The following TMEM178B variants were observed in gnomAD, a reference collection of about 807,000 sequenced individuals.
The protein encoded by TMEM178B is transmembrane protein 178B.
Under a neutral mutation model 31.0 loss-of-function variants are expected in TMEM178B, and 5 were observed. The ratio of observed to expected loss-of-function variants is 0.16; its 90% CI spans 0.08 to 0.34. The LOEUF is 0.34. TMEM178B is among the 10% of genes least tolerant of loss of function. The pLI is 1.00. For synonymous variants in TMEM178B, 164 were observed against 164.0 expected, an observed-to-expected ratio of 1.00 and a Z score of 0.00; for missense variants, 275 against 400.3, an observed-to-expected ratio of 0.69 and a Z score of 2.67.
intron 1 of TMEM178B, among the ~76,000 whole-genome samples, chr7:141,194,958 C>A (rs1796758394): frequency 6.6e-6 from 1 of 152,202 alleles, no homozygotes; most frequent in Admixed American, 6.6e-5. Context: ...CACACCCAAC[C>A]TGTACATCAA....
At chr7:141,111,512 AT>A in intron 1 of TMEM178B, among the ~76,000 whole-genome samples, 1 of 152,288 alleles carries the variant, frequency 6.6e-6, no homozygotes, top group East Asian at 1.9e-4. Context: ...TAACATGTTA[AT>A]TTGCCATTTT....
chr7:141,359,879 G>A (rs1186698384), intron 2 of TMEM178B, among the ~76,000 whole-genome samples: 5 of 152,184 alleles, frequency 3.3e-5, no homozygotes, highest in South Asian at 2.1e-4. Flanking sequence ...GATGAAAGGC[G>A]AAAGGCACAA....
At chr7:141,151,134 C>T (rs1035954240) in intron 1 of TMEM178B, among the ~76,000 whole-genome samples, 8 of 152,088 alleles carry the variant, frequency 5.3e-5, no homozygotes, top group South Asian at 2.1e-4. Flanking sequence ...GAAAATGGGA[C>T]GAACACTCAA....
At chr7:141,090,033 T>C (rs1056353927) in intron 1 of TMEM178B, among the ~76,000 whole-genome samples, 1 of 152,112 alleles carries the variant, frequency 6.6e-6, no homozygotes, top group African/African-American at 2.4e-5. Context: ...AGCCACCACT[T>C]CATGATAATC....
At chr7:141,082,725 T>C (rs1314344079) in intron 1 of TMEM178B, among the ~76,000 whole-genome samples, 1 of 152,218 alleles carries the variant, frequency 6.6e-6, no homozygotes, top group African/African-American at 2.4e-5. Flanking sequence ...CAAAAAGGCA[T>C]GGTTGGTTCC....
rs1797336502 is a variant in TMEM178B, at chr7:141,226,024, G to C, written c.496+13320G>C. Among the ~76,000 whole-genome samples the C allele has an allele frequency of 1.3e-5, 2 of 152,138 alleles. 1 individual carries two copies. The highest frequency in any genetic ancestry group is 4.8e-5 in the African/African-American group (2 of 41,446). ...AATCAGGTGTGTGTGGTGTGTGTCA[G>C]CTTCCGAAACCACGAGGCTGCTAAA... is the stretch of plus-strand genomic sequence containing the variant. On this transcript the variant is annotated intron_variant, in intron 2 of 3. Transcript: ENST00000565468.
At chr7:141,100,935 A>G (rs1795046161) in intron 1 of TMEM178B, among the ~76,000 whole-genome samples, 1 of 152,148 alleles carries the variant, frequency 6.6e-6, no homozygotes, top group South Asian at 2.1e-4. Context: ...GAGTGTATAC[A>G]TTTTGGTGTT....
At chr7:141,116,609 T>C (rs1442032741) in intron 1 of TMEM178B, among the ~76,000 whole-genome samples, 2 of 151,634 alleles carry the variant, frequency 1.3e-5, no homozygotes, top group East Asian at 3.9e-4. Context: ...GGCAGTTTGC[T>C]GCACCCATCC....
chr7:141,340,153 A>G (rs192038760), intron 2 of TMEM178B, among the ~76,000 whole-genome samples: 2 of 152,346 alleles, frequency 1.3e-5, no homozygotes, highest in African/African-American at 4.8e-5. Flanking sequence ...GGAAGGGGCC[A>G]TGAACCAAGA....
rs1799047344 is a variant in TMEM178B at position 141,318,662 on chromosome 7, C to T, written c.496+105958C>T. 6.6e-6 allele frequency among the ~76,000 whole-genome samples: 1 copy of T among 152,188 alleles called. No homozygotes were observed. Among genetic ancestry groups the T allele is most frequent in the African/African-American group, 2.4e-5 (1 of 41,434 alleles). On this transcript the variant is annotated intron_variant, in intron 2 of 3. Coordinates refer to ENST00000565468, the MANE Select transcript of TMEM178B (RefSeq NM_001195278.2). This position sits in a 1 kb window ranked among gnomAD's most constrained non-coding sequence, Gnocchi z 4.1. Reference sequence around the variant, plus strand: ...CCCTTCAGAAGCCTGTACCAAGACACTTAGAATTTTGCTGCTTTAAGTCTG... The same window carrying T: ...CCCTTCAGAAGCCTGTACCAAGACATTTAGAATTTTGCTGCTTTAAGTCTG...
rs1024173904 is a variant in TMEM178B, at chr7:141,308,626, G to C, written c.496+95922G>C. Among the ~76,000 whole-genome samples the C allele has an allele frequency of 7.9e-4, 120 of 152,280 alleles. 1 individual carries two copies. Among genetic ancestry groups the C allele is most frequent in the African/African-American group, 2.6e-3 (106 of 41,544 alleles). The stretch of plus-strand genomic sequence containing the variant: ...AGATACATGTGGGGCTGCTTTGGTT[G>C]AGAGTGGGGTTCAGGGCCTGAAATC... On this transcript the variant is annotated intron_variant, in intron 2 of 3. Coordinates refer to ENST00000565468, the MANE Select transcript of TMEM178B (RefSeq NM_001195278.2).
intron 2 of TMEM178B, among the ~76,000 whole-genome samples, chr7:141,216,096 G>T (rs1198235428): frequency 6.6e-6 from 1 of 151,854 alleles, no homozygotes; most frequent in African/African-American, 2.4e-5. Context: ...CTTTCAAAGT[G>T]CTGGGATTAC....
At chr7:141,140,976 G>T (rs1440627379) in intron 1 of TMEM178B, among the ~76,000 whole-genome samples, 1 of 152,024 alleles carries the variant, frequency 6.6e-6, no homozygotes, top group Non-Finnish European at 1.5e-5. Flanking sequence ...TTTTCCTACT[G>T]TACTCTTTCG....
chr7:141,413,380 G>A (rs1801031251), intron 2 of TMEM178B, among the ~76,000 whole-genome samples: 1 of 152,078 alleles, frequency 6.6e-6, no homozygotes, highest in African/African-American at 2.4e-5. Flanking sequence ...TCTTGAAAGA[G>A]ACCTACTCAA....
chr7:141,185,950 A>G (rs1174239195), intron 1 of TMEM178B, among the ~76,000 whole-genome samples: 2 of 152,168 alleles, frequency 1.3e-5, no homozygotes, highest in African/African-American at 4.8e-5. Flanking sequence ...TAATTGTGAT[A>G]TTAATGTGGA....
chr7:141,364,274 G>C (rs916222840), intron 2 of TMEM178B, among the ~76,000 whole-genome samples: 1 of 152,138 alleles, frequency 6.6e-6, no homozygotes, highest in African/African-American at 2.4e-5. Flanking sequence ...AGTTCAGTTA[G>C]AGATGCGTTC....
rs533253880 is a variant in TMEM178B at position 141,106,215 on chromosome 7, A to G, written c.382+31523A>G. On this transcript the variant is annotated intron_variant, in intron 1 of 3. Coordinates refer to ENST00000565468, the MANE Select transcript of TMEM178B (RefSeq NM_001195278.2). ...TTCATAGTTGTTTTTTGACAGTTCC[A>G]AAGTGCCCAGTGATTCTAAAACTGG... Among the ~76,000 whole-genome samples the G allele has an allele frequency of 2.2e-3, 335 of 152,268 alleles. 2 individuals carry two copies. Among genetic ancestry groups the G allele is most frequent in the Non-Finnish European group, 2.5e-3 (172 of 68,016 alleles).
At chr7:141,114,859 G>A (rs1357035967) in intron 1 of TMEM178B, among the ~76,000 whole-genome samples, 17 of 152,230 alleles carry the variant, frequency 1.1e-4, no homozygotes. Context: ...CTTCCCCTTT[G>A]ATTGGAAAAT....
chr7:141,301,988 T>A (rs1455605267), intron 2 of TMEM178B, among the ~76,000 whole-genome samples: 1 of 151,786 alleles, frequency 6.6e-6, no homozygotes, highest in African/African-American at 2.4e-5. Flanking sequence ...TTGCCAGGGG[T>A]TGGGGGAAGG....
Sources: gnomAD v4.1 joint callset for allele counts (sites outside exome capture counted in the v4.1 genomes callset) on GRCh38, gnomAD v4.1.1 for gene constraint, Gnocchi (gnomAD v3.1) non-coding constraint, MANE v1.5 for transcripts, NCBI Gene and HGNC (gene_info 2026-07-23, HGNC 2026-07-21) for gene names.